Variants in MKLN1 observed in about 807,000 individuals in gnomAD.
The protein encoded by MKLN1 is muskelin 1.
A neutral mutation model predicts 99.0 loss-of-function variants in MKLN1; 18 were observed. The observed-to-expected ratio is 0.18, with a 90% confidence interval of 0.13 to 0.27. The LOEUF (loss-of-function observed/expected upper bound fraction) is 0.27, where lower values mean the gene tolerates loss of function less well. MKLN1 is among the 10% of genes least tolerant of loss of function. The probability of loss-of-function intolerance (pLI) is 1.00; values close to 1 mark genes in which losing one functional copy is unlikely to be tolerated. For synonymous variants in MKLN1, 288 were observed against 293.2 expected, an observed-to-expected ratio of 0.98 and a Z score of 0.18; for missense variants, 621 against 875.9, an observed-to-expected ratio of 0.71 and a Z score of 3.67.
At chr7:131,388,394 C>T (rs941414747) in intron 3 of MKLN1, among the ~76,000 whole-genome samples, 5 of 152,088 alleles carry the variant, frequency 3.3e-5, no homozygotes. Flanking sequence ...AAAGCAGATG[C>T]TATTAAGCCA....
chr7:131,413,625 C>T (rs1445770159), intron 7 of MKLN1, among the ~76,000 whole-genome samples: 5 of 151,926 alleles, frequency 3.3e-5, no homozygotes, highest in South Asian at 2.1e-4. Flanking sequence ...TTGCAACCTC[C>T]GCCTCCTGAG....
At chr7:131,113,467 C>A (rs1795226683) in intron 1 of MKLN1, among the ~76,000 whole-genome samples, 1 of 152,026 alleles carries the variant, frequency 6.6e-6, no homozygotes, top group East Asian at 1.9e-4. Context: ...TATTCTAAGG[C>A]CAGTGGAGAA....
chr7:131,385,400 C>A (rs188212619), intron 2 of MKLN1, among the ~76,000 whole-genome samples: 15 of 150,730 alleles, frequency 1.0e-4, no homozygotes, highest in African/African-American at 3.4e-4. Context: ...CATTCTTGGT[C>A]GTGTAGTAAT....
At chr7:131,378,518 A>C (rs1299368277) in intron 2 of MKLN1, among the ~76,000 whole-genome samples, 2 of 152,150 alleles carry the variant, frequency 1.3e-5, no homozygotes, top group African/African-American at 4.8e-5. Context: ...AAGTTCCCAA[A>C]TGCACTGGAT....
chr7:131,178,572 C>G (rs1451081495), intron 2 of MKLN1, among the ~76,000 whole-genome samples: 2 of 152,218 alleles, frequency 1.3e-5, no homozygotes, highest in Non-Finnish European at 2.9e-5. Context: ...ATCTAGCAAT[C>G]TTTGCCACAG....
chr7:131,153,483 C>T (rs1303271249), intron 2 of MKLN1, among the ~76,000 whole-genome samples: 1 of 151,792 alleles, frequency 6.6e-6, no homozygotes, highest in Non-Finnish European at 1.5e-5. Context: ...GTAGAAATTA[C>T]TTATATTTAA....
Position 131,236,277 on chromosome 7 carries a change from AATGAG to A in MKLN1, c.-179+33306_-179+33310del, listed in dbSNP as rs371822936. Among the ~76,000 whole-genome samples the A allele has an allele frequency of 3.2e-4, 49 of 152,320 alleles. 1 individual carries two copies. The South Asian group carries it at 5.0e-3, about 15-fold the overall frequency. On this transcript the variant is annotated intron_variant, in intron 3 of 7. Transcript: ENST00000416992. ...TTTGGTATGGTTGTACAGTGTGTGA[AATGAG>A]ATAAGGAAATTGACAACACACAAAA...
At chr7:131,282,589 G>A (rs933626065) in intron 3 of MKLN1, among the ~76,000 whole-genome samples, 1 of 151,978 alleles carries the variant, frequency 6.6e-6, no homozygotes, top group Non-Finnish European at 1.5e-5. Context: ...AGAGGAGGAG[G>A]GATCTGAGCT....
chr7:131,356,355 G>A (rs1441636246), intron 1 of MKLN1, among the ~76,000 whole-genome samples: 1 of 151,980 alleles, frequency 6.6e-6, no homozygotes, highest in Admixed American at 6.6e-5. Context: ...ATCACCTGAT[G>A]GTCGCCTAAC....
Position 131,188,351 on chromosome 7 carries a change from CTG to C in MKLN1, c.-296-14503_-296-14502del, listed in dbSNP as rs575805937. ...AGCTACCATTTACTATTTCTCGAGT[CTG>C]TGAATTGGCTGAGAGGTTCTGCTGA... On this transcript the variant is annotated intron_variant, in intron 2 of 7. Coordinates refer to the MKLN1 transcript ENST00000416992. 1.4e-3 allele frequency among the ~76,000 whole-genome samples: 216 copies of C among 152,338 alleles called. 3 individuals carry two copies. Among genetic ancestry groups the C allele is most frequent in the South Asian group, 5.2e-3 (25 of 4,828 alleles).
intron 16 of MKLN1, among the ~76,000 whole-genome samples, chr7:131,477,558 A>G (rs1171037809): frequency 1.3e-5 from 2 of 152,180 alleles, no homozygotes; most frequent in East Asian, 1.9e-4. Context: ...TGCAGTAGAT[A>G]TATCTGACAG....
chr7:131,127,104 G>A (rs1795473151), intron 1 of MKLN1, among the ~76,000 whole-genome samples: 1 of 151,660 alleles, frequency 6.6e-6, no homozygotes. Context: ...GGCGGAGGCT[G>A]CGGTGAGCCG....
intron 8 of MKLN1, among the ~76,000 whole-genome samples, chr7:131,419,218 A>G (rs919910596): frequency 1.4e-5 from 2 of 143,628 alleles, no homozygotes; most frequent in South Asian, 2.2e-4. Context: ...GATTCATTAC[A>G]TATATATATG....
chr7:131,388,331 C>G (rs1192566956), intron 3 of MKLN1, among the ~76,000 whole-genome samples: 1 of 152,116 alleles, frequency 6.6e-6, no homozygotes, highest in African/African-American at 2.4e-5. Flanking sequence ...ATCATTGTGT[C>G]AGTCCTAGTT....
chr7:131,251,486 G>A lies in MKLN1; in HGVS notation c.-179+48512G>A, dbSNP rs1222804506. Among the ~76,000 whole-genome samples, 3 of 152,068 alleles carry A rather than the reference G, an allele frequency of 2.0e-5. No homozygotes were observed. In the East Asian group the frequency reaches 5.8e-4, roughly 29 times the overall value. Reference sequence around the variant, plus strand: ...AGTGACTGACTTTAACCATTGTAATGACTGTTGGGACTTGCTGACCTCCAT... The same window carrying A: ...AGTGACTGACTTTAACCATTGTAATAACTGTTGGGACTTGCTGACCTCCAT... On this transcript the variant is annotated intron_variant, in intron 3 of 7. Transcript: ENST00000416992.
At chr7:131,156,557 T>C (rs1023758274) in intron 2 of MKLN1, among the ~76,000 whole-genome samples, 7 of 151,666 alleles carry the variant, frequency 4.6e-5, no homozygotes, top group African/African-American at 1.7e-4. Flanking sequence ...GATACTACTC[T>C]CTCGTGAAGC....
At chr7:131,416,548 T>C (rs1483698633) in intron 8 of MKLN1, among the ~76,000 whole-genome samples, 1 of 148,532 alleles carries the variant, frequency 6.7e-6, no homozygotes, top group South Asian at 2.1e-4. Context: ...TGAGATGGAG[T>C]CTTGCTCTGT....
intron 14 of MKLN1, 37 bp from the exon 15 acceptor site, chr7:131,466,239 G>T: frequency 6.6e-7 from 1 of 1,510,568 alleles, no homozygotes; most frequent in Admixed American, 1.8e-5. Flanking sequence ...GGGTATGCAT[G>T]CATTTTTAAA....
At position 131,444,755 on chromosome 7, in the gene MKLN1, AGT is replaced by A. The variant is rs1563351937; in HGVS notation, c.1396-1018_1396-1017del. ...TAGTAGTAGTAGTAGTAGTAGTAGT[AGT>A]AGAAGAAGTAGTAGTAGTAGTAGTA... On this transcript the variant is annotated intron_variant, in intron 11 of 17. Transcript: ENST00000352689. Among the ~76,000 whole-genome samples the A allele has an allele frequency of 1.2e-3, 99 of 79,304 alleles. No homozygotes were observed. The Middle Eastern group carries it at 0.019, about 16-fold the overall frequency. 52.0% of individuals were successfully genotyped at this position (79,304 alleles called of 152,430 possible).
Sources: allele counts gnomAD v4.1 joint callset (sites outside exome capture counted in the v4.1 genomes callset), GRCh38; gene constraint gnomAD v4.1.1; transcripts MANE v1.5; gene names NCBI Gene and HGNC (gene_info 2026-07-23, HGNC 2026-07-21).